The following LRP1B variants were observed in gnomAD, a reference collection of about 807,000 sequenced individuals.
The protein encoded by LRP1B is LDL receptor related protein 1B.
LRP1B carries 217 observed loss-of-function variants against 556.6 expected under a neutral mutation model. The observed-to-expected ratio is 0.39, with a 90% CI of 0.35 to 0.44. The LOEUF (loss-of-function observed/expected upper bound fraction) is 0.44. Among genes scored for constraint, LRP1B ranks in the 20% least tolerant of loss-of-function variants. LRP1B has a pLI of 1.00. For missense variants in LRP1B, 5,053 were observed against 5,620.8 expected (o/e 0.90, Z 3.23); for synonymous variants, 2,047 against 1,865.8 (o/e 1.10, Z -2.50).
intron 89 of LRP1B, among the ~76,000 whole-genome samples, chr2:140,236,100 T>C (rs927596824): frequency 6.6e-6 from 1 of 151,050 alleles, no homozygotes; most frequent in African/African-American, 2.4e-5. Context: ...TATAAAATTA[T>C]GTCTAATTAG....
chr2:140,505,801 T>G (rs1025369017), intron 53 of LRP1B, among the ~76,000 whole-genome samples: 31 of 152,222 alleles, frequency 2.0e-4, no homozygotes, highest in African/African-American at 7.2e-4. Flanking sequence ...AGGCACTAAA[T>G]CTGTTGCCTT....
At chr2:141,580,511 G>T (rs1198580673) in intron 2 of LRP1B, among the ~76,000 whole-genome samples, 2 of 152,156 alleles carry the variant, frequency 1.3e-5, no homozygotes, top group African/African-American at 4.8e-5. Context: ...AAATTAATTT[G>T]ATGGCTAAGC....
At chr2:141,073,188 G>A (rs1196376821) in intron 7 of LRP1B, among the ~76,000 whole-genome samples, 3 of 151,692 alleles carry the variant, frequency 2.0e-5, no homozygotes, top group African/African-American at 2.4e-5. Context: ...TTCCCCTTAC[G>A]CACACTTCCT....
chr2:140,989,679 GATTA>G, intron 16 of LRP1B, 22 bp from the exon 17 acceptor site: 3 of 1,609,816 alleles, frequency 1.9e-6, no homozygotes, highest in Non-Finnish European at 8.5e-7. Flanking sequence ...GGGGAAGCAA[GATTA>G]ATTATTTAAA....
intron 2 of LRP1B, among the ~76,000 whole-genome samples, chr2:141,804,856 A>C (rs1696120088): frequency 1.3e-5 from 2 of 152,074 alleles, no homozygotes; most frequent in Non-Finnish European, 2.9e-5. Flanking sequence ...GTCCAAGAGC[A>C]AAGATATTCG....
chr2:141,355,701 T>C (rs117309848), intron 3 of LRP1B, among the ~76,000 whole-genome samples: 2 of 151,860 alleles, frequency 1.3e-5, no homozygotes, highest in East Asian at 3.9e-4. Flanking sequence ...GTCAAATTAA[T>C]GAACGAAGGA....
rs547030906 is a variant in LRP1B, at chr2:141,343,443, T to C, written c.344-88802A>G. On this transcript the variant is annotated intron_variant, in intron 3 of 90. Transcript: ENST00000389484. ...GCTTTTTTGATTGGCTGTCAATTTT[T>C]GATTGAACACAAGATAATGTGATTC... is the stretch of plus-strand genomic sequence containing the variant. Among the ~76,000 whole-genome samples, 51 of 152,334 alleles carry C rather than the reference T, an allele frequency of 3.3e-4. 1 individual carries two copies. Among genetic ancestry groups the C allele is most frequent in the African/African-American group, 1.2e-3 (50 of 41,582 alleles).
chr2:140,244,338 C>A (rs868573003), intron 87 of LRP1B, among the ~76,000 whole-genome samples: 1 of 151,138 alleles, frequency 6.6e-6, no homozygotes, highest in African/African-American at 2.4e-5. Context: ...ATATCTTGCC[C>A]CTATTGTCAC....
chr2:141,612,385 C>T (rs1202204341), intron 2 of LRP1B, among the ~76,000 whole-genome samples: 1 of 152,134 alleles, frequency 6.6e-6, no homozygotes, highest in Non-Finnish European at 1.5e-5. Context: ...TGAGGAATCC[C>T]TATTAGAGAT....
chr2:141,365,097 CATGT>C (rs1210230890), intron 3 of LRP1B, among the ~76,000 whole-genome samples: 7 of 152,134 alleles, frequency 4.6e-5, no homozygotes, highest in Non-Finnish European at 1.0e-4. Context: ...TATGTAAACC[CATGT>C]AATATGAACC....
At chr2:141,818,681 C>T (rs995654868) in intron 1 of LRP1B, among the ~76,000 whole-genome samples, 15 of 151,170 alleles carry the variant, frequency 9.9e-5, no homozygotes, top group South Asian at 6.3e-4. Flanking sequence ...GGACTACAGG[C>T]GCCTGCCACC....
chr2:141,465,542 A>ATTTT (rs1682154636), intron 3 of LRP1B, among the ~76,000 whole-genome samples: 2 of 40,988 alleles, frequency 4.9e-5, no homozygotes, highest in Admixed American at 3.8e-4. Context: ...GCACAGCATG[A>ATTTT]CTTTTTTTTT....
intron 2 of LRP1B, among the ~76,000 whole-genome samples, chr2:141,532,856 C>T (rs2105194915): frequency 6.6e-6 from 1 of 152,154 alleles, no homozygotes; most frequent in South Asian, 2.1e-4. Flanking sequence ...TATGGTGGTG[C>T]ATGCCGGTAA....
intron 2 of LRP1B, among the ~76,000 whole-genome samples, chr2:141,652,760 C>T (rs1203636035): frequency 1.3e-5 from 2 of 152,168 alleles, no homozygotes; most frequent in African/African-American, 4.8e-5. Context: ...AGAATCCAAA[C>T]TTTCCAATCC....
At chr2:141,467,841 G>GCT (rs1559087193) in intron 3 of LRP1B, among the ~76,000 whole-genome samples, 1 of 106,296 alleles carries the variant, frequency 9.4e-6, no homozygotes, top group Non-Finnish European at 1.9e-5. Flanking sequence ...TTGCGGACCG[G>GCT]GGGGGGGGGA....
intron 2 of LRP1B, among the ~76,000 whole-genome samples, chr2:141,520,962 T>G (rs139823416): frequency 6.6e-6 from 1 of 152,070 alleles, no homozygotes; most frequent in Admixed American, 6.6e-5. Context: ...TGGTCGGTGA[T>G]AGAAGAAGGA....
At chr2:140,271,545 G>A (rs1199663572) in intron 85 of LRP1B, among the ~76,000 whole-genome samples, 1 of 151,882 alleles carries the variant, frequency 6.6e-6, no homozygotes, top group Non-Finnish European at 1.5e-5. Context: ...GTAGCTACTG[G>A]AAATGCCCTC....
chr2:141,591,254 C>T lies in LRP1B; in HGVS notation c.206-110721G>A, dbSNP rs150183158. ...CTTGCACTCCCCATGTCCCTAAGAACAGCATTCTACCCAGGCTTCTCTCAT... is the reference window on the plus strand; with the variant it reads ...CTTGCACTCCCCATGTCCCTAAGAATAGCATTCTACCCAGGCTTCTCTCAT... On this transcript the variant is annotated intron_variant, in intron 2 of 90. Transcript: ENST00000389484. Among the ~76,000 whole-genome samples the T allele has an allele frequency of 4.3e-3, 661 of 152,248 alleles. 5 individuals carry two copies. Among genetic ancestry groups the T allele is most frequent in the Middle Eastern group, 0.01 (3 of 294 alleles).
intron 7 of LRP1B, among the ~76,000 whole-genome samples, chr2:141,085,682 G>T (rs181440236): frequency 2.0e-5 from 3 of 152,172 alleles, no homozygotes; most frequent in African/African-American, 7.2e-5. Context: ...TGTTATGGCA[G>T]ACCTAGCAAA....
Sources: gnomAD v4.1 joint callset for allele counts (sites outside exome capture counted in the v4.1 genomes callset) on GRCh38, gnomAD v4.1.1 for gene constraint, MANE v1.5 for transcripts, NCBI Gene and HGNC (gene_info 2026-07-23, HGNC 2026-07-21) for gene names.